Variants in TENM2 observed in about 807,000 individuals in gnomAD.
The protein encoded by TENM2 is teneurin transmembrane protein 2, also known as teneurin-2.
In TENM2, 52 loss-of-function variants were observed where a neutral mutation model predicts 245.2. That is an observed-to-expected ratio of 0.21 (90% confidence interval 0.17 to 0.27). TENM2 has a LOEUF of 0.27. Ranked by LOEUF, TENM2 falls within the 10% of genes least tolerant of loss-of-function variation. The probability of loss-of-function intolerance (pLI) is 1.00; values close to 1 mark genes in which losing one functional copy is unlikely to be tolerated. For missense variants in TENM2, 3,046 were observed against 3,666.8 expected (o/e 0.83, Z 4.37); for synonymous variants, 1,363 against 1,438.9 (o/e 0.95, Z 1.19).
intron 2 of TENM2, among the ~76,000 whole-genome samples, chr5:167,600,847 T>C (rs779428209): frequency 2.0e-5 from 3 of 152,258 alleles, no homozygotes; most frequent in Non-Finnish European, 4.4e-5. Context: ...CCTAGACAGA[T>C]GAGACTGTGG....
At chr5:168,068,429 C>A (rs1790689790) in intron 7 of TENM2, among the ~76,000 whole-genome samples, 1 of 152,050 alleles carries the variant, frequency 6.6e-6, no homozygotes, top group South Asian at 2.1e-4. Flanking sequence ...TTATATAGAA[C>A]CCTGTATATA....
chr5:167,704,426 C>T (rs1229285286), intron 2 of TENM2, among the ~76,000 whole-genome samples: 1 of 152,060 alleles, frequency 6.6e-6, no homozygotes, highest in Non-Finnish European at 1.5e-5. Context: ...AATACAAACG[C>T]GTAAGACCAA....
At chr5:167,558,518 CT>C (rs1320571131) in intron 2 of TENM2, among the ~76,000 whole-genome samples, 1 of 152,200 alleles carries the variant, frequency 6.6e-6, no homozygotes, top group Non-Finnish European at 1.5e-5. Context: ...GCTCCACCTC[CT>C]GTCAGATCAG....
chr5:167,402,816 G>A (rs1352922611), intron 2 of TENM2, among the ~76,000 whole-genome samples: 2 of 152,108 alleles, frequency 1.3e-5, no homozygotes, highest in Non-Finnish European at 2.9e-5. Flanking sequence ...AGACTTCAGA[G>A]CCAGCAGCAT....
At chr5:167,714,397 C>T (rs562342579) in intron 2 of TENM2, among the ~76,000 whole-genome samples, 1 of 152,270 alleles carries the variant, frequency 6.6e-6, no homozygotes, top group Non-Finnish European at 1.5e-5. Context: ...TTGTTTCGTG[C>T]ATTGAGAATG....
chr5:167,396,973 G>A (rs1387265613), intron 2 of TENM2, among the ~76,000 whole-genome samples: 1 of 152,034 alleles, frequency 6.6e-6, no homozygotes, highest in East Asian at 1.9e-4. Flanking sequence ...TGTTGATCCT[G>A]GAGAAATATC....
At chr5:167,092,663 C>T in the TENM2 span, among the ~76,000 whole-genome samples, 1 of 152,108 alleles carries the variant, frequency 6.6e-6, no homozygotes, top group Non-Finnish European at 1.5e-5. Context: ...AAAGACTTGT[C>T]CAAAGCCCCA....
At chr5:168,081,755 G>C (rs190438029) in intron 7 of TENM2, among the ~76,000 whole-genome samples, 1 of 152,096 alleles carries the variant, frequency 6.6e-6, no homozygotes, top group Non-Finnish European at 1.5e-5. Flanking sequence ...GTTGAATATT[G>C]GCCCCCACTC....
At chr5:167,730,280 T>C (rs1760328637) in intron 2 of TENM2, among the ~76,000 whole-genome samples, 1 of 152,174 alleles carries the variant, frequency 6.6e-6, no homozygotes, top group South Asian at 2.1e-4. Flanking sequence ...TTGAGGTCAG[T>C]TGAGGATGTT....
chr5:167,194,001 C>A, the TENM2 span, among the ~76,000 whole-genome samples: 4 of 151,928 alleles, frequency 2.6e-5, no homozygotes, highest in Non-Finnish European at 1.5e-5. Flanking sequence ...GCAAAGTGAG[C>A]CGTGGGACTA....
chr5:167,775,034 A>G (rs750645554), intron 2 of TENM2, among the ~76,000 whole-genome samples: 3 of 151,976 alleles, frequency 2.0e-5, no homozygotes, highest in Non-Finnish European at 2.9e-5. Flanking sequence ...CAATGGCGCA[A>G]TCTCGGCTCA....
the TENM2 span, among the ~76,000 whole-genome samples, chr5:167,254,627 A>G: frequency 6.6e-6 from 1 of 152,164 alleles, no homozygotes; most frequent in African/African-American, 2.4e-5. Flanking sequence ...AGGAATCTTG[A>G]CAATAAACAA....
intron 2 of TENM2, among the ~76,000 whole-genome samples, chr5:167,586,448 A>G (rs183040883): frequency 1.3e-5 from 2 of 152,284 alleles, no homozygotes; most frequent in East Asian, 3.9e-4. Flanking sequence ...AAATGATTTC[A>G]ATGTATAACT....
At chr5:167,477,715 T>C (rs901399201) in intron 2 of TENM2, among the ~76,000 whole-genome samples, 1 of 152,176 alleles carries the variant, frequency 6.6e-6, no homozygotes, top group Non-Finnish European at 1.5e-5. Context: ...TGGTAAGATA[T>C]ATTTTTAATA....
chr5:167,928,946 GAAAAGAAAT>G (rs1296176287), intron 3 of TENM2, among the ~76,000 whole-genome samples: 4 of 105,194 alleles, frequency 3.8e-5, no homozygotes, highest in East Asian at 2.6e-4. Context: ...GAAAGAAAAA[GAAAAGAAAT>G]AAAAGAAATA....
At chr5:167,704,606 A>G (rs893071655) in intron 2 of TENM2, among the ~76,000 whole-genome samples, 2 of 152,178 alleles carry the variant, frequency 1.3e-5, no homozygotes, top group Non-Finnish European at 2.9e-5. Flanking sequence ...ATAGCAATGA[A>G]GGAAGAGGGC....
rs71591182 is a variant in TENM2 at position 167,445,332 on chromosome 5, T to TAGGGAGAGAGAGAGAGAGAG, written c.502+69860_502+69861insGGGAGAGAGAGAGAGAGAGA. Among the ~76,000 whole-genome samples the TAGGGAGAGAGAGAGAGAGAG allele has an allele frequency of 1.2e-3, 89 of 77,028 alleles. 2 individuals are homozygous for TAGGGAGAGAGAGAGAGAGAG. Among genetic ancestry groups the TAGGGAGAGAGAGAGAGAGAG allele is most frequent in the Middle Eastern group, 8.6e-3 (1 of 116 alleles). The allele number at this position is 77,028 out of a possible 152,430, so 50.5% of individuals were successfully genotyped here. ...ATGATTATATATATATATATATATA[T>TAGGGAGAGAGAGAGAGAGAG]ATATAGAGAGAGAGAGAGAGAGAGA... On this transcript the variant is annotated intron_variant, in intron 2 of 28. Coordinates refer to ENST00000518659, the Ensembl canonical transcript of TENM2.
intron 2 of TENM2, among the ~76,000 whole-genome samples, chr5:167,702,454 C>A (rs1758202727): frequency 6.6e-6 from 1 of 150,772 alleles, no homozygotes; most frequent in South Asian, 2.1e-4. Flanking sequence ...TGATTTGGGT[C>A]TTGTGTGTCT....
At position 168,000,045 on chromosome 5, in the gene TENM2, A is replaced by G. The variant is rs1043090209; in HGVS notation, c.1186+6863A>G. ...AAGCCTTGCCCTAGACTTTCTCTCTATAACGATGATCTCTCTAGCAGTCAT... is the reference window on the plus strand; with the variant it reads ...AAGCCTTGCCCTAGACTTTCTCTCTGTAACGATGATCTCTCTAGCAGTCAT... On this transcript the variant is annotated intron_variant, in intron 5 of 28. Transcript: ENST00000518659. Among the ~76,000 whole-genome samples, 2 of 152,210 alleles carry G rather than the reference A, an allele frequency of 1.3e-5. 1 individual carries two copies.
Sources: gnomAD v4.1 joint callset for allele counts (sites outside exome capture counted in the v4.1 genomes callset) on GRCh38, gnomAD v4.1.1 for gene constraint, MANE v1.5 for transcripts, NCBI Gene and HGNC (gene_info 2026-07-23, HGNC 2026-07-21) for gene names.